Variants in TAFA4 observed in about 807,000 individuals in gnomAD.
The protein encoded by TAFA4 is TAFA chemokine like family member 4.
A neutral mutation model predicts 21.1 loss-of-function variants in TAFA4; 20 were observed. The observed-to-expected ratio is 0.95, with a 90% CI of 0.67 to 1.38. TAFA4 has a LOEUF of 1.38. Among genes scored for constraint, TAFA4 ranks in the 40% most tolerant of loss-of-function variants. The pLI is 0.00. For synonymous variants in TAFA4, 71 were observed against 67.4 expected, an observed-to-expected ratio of 1.05 and a Z score of -0.26; for missense variants, 211 against 180.9, an observed-to-expected ratio of 1.17 and a Z score of -0.95.
intron 5 of TAFA4, among the ~76,000 whole-genome samples, chr3:68,734,371 G>A (rs974113111): frequency 2.0e-5 from 3 of 152,018 alleles, no homozygotes; most frequent in African/African-American, 7.2e-5. Flanking sequence ...AATAATATGG[G>A]CAATGGAGAA....
chr3:68,894,400 T>C (rs1448327391), intron 1 of TAFA4, among the ~76,000 whole-genome samples: 1 of 152,148 alleles, frequency 6.6e-6, no homozygotes, highest in African/African-American at 2.4e-5. Context: ...GCTCAAGCGA[T>C]CCTCCTGCCT....
chr3:68,889,416 A>T (rs2089709197), intron 1 of TAFA4, among the ~76,000 whole-genome samples: 1 of 151,580 alleles, frequency 6.6e-6, no homozygotes, highest in Non-Finnish European at 1.5e-5. Context: ...ATCAAGGAAA[A>T]TAGAGAGGCT....
In TAFA4 at chr3:68,885,398, T is replaced by G. The variant is rs2089660788; in HGVS notation, c.-122-88A>C. ...TAATTTCCAGTAGCAAAATAATGGT[T>G]TTTAACCATGACACCTGCAGTTTCA... On this transcript the variant is annotated intron_variant, in intron 1 of 5. Transcript: ENST00000295569. The G allele has an allele frequency of 5.2e-5, 29 of 562,598 alleles. No individual in the cohort carries two copies. In the East Asian group the frequency reaches 8.5e-4, roughly 16 times the overall value. 34.9% of individuals were successfully genotyped at this position (562,598 alleles called of 1,614,324 possible).
chr3:68,913,269 C>A (rs895587182), intron 1 of TAFA4, among the ~76,000 whole-genome samples: 3 of 147,158 alleles, frequency 2.0e-5, no homozygotes, highest in South Asian at 4.2e-4. Flanking sequence ...ACAGAGGATA[C>A]CTGAAAGAGC....
chr3:68,797,199 C>T (rs560338175), intron 3 of TAFA4, among the ~76,000 whole-genome samples: 13 of 152,130 alleles, frequency 8.5e-5, no homozygotes, highest in South Asian at 6.2e-4. Flanking sequence ...TTTGTACAGC[C>T]GTATTCATAG....
In TAFA4 at chr3:68,783,745, G is replaced by GAAAGAAAGAAAGAAAGAAAGAAAGAAAA. The variant is rs1355228496; in HGVS notation, c.131-30728_131-30727insTTTTCTTTCTTTCTTTCTTTCTTTCTTT. 1.6e-3 allele frequency among the ~76,000 whole-genome samples: 153 copies of GAAAGAAAGAAAGAAAGAAAGAAAGAAAA among 95,978 alleles called. 1 individual carries two copies. Among genetic ancestry groups the GAAAGAAAGAAAGAAAGAAAGAAAGAAAA allele is most frequent in the African/African-American group, 4.7e-3 (151 of 31,940 alleles). The allele number at this position is 95,978 out of a possible 152,430, so 63.0% of individuals were successfully genotyped here. ...AGAAAGAAAGAAAGAAAGAAAGAAA[G>GAAAGAAAGAAAGAAAGAAAGAAAGAAAA]TAAGAAAGAAAGAAACAAAAACAAA... On this transcript the variant is annotated intron_variant, in intron 3 of 5. Transcript: ENST00000295569.
intron 1 of TAFA4, among the ~76,000 whole-genome samples, chr3:68,905,800 T>C (rs1170924588): frequency 6.6e-6 from 1 of 152,186 alleles, no homozygotes; most frequent in Non-Finnish European, 1.5e-5. Context: ...GGGGTAAACG[T>C]ACCATGGAAA....
intron 1 of TAFA4, among the ~76,000 whole-genome samples, chr3:68,898,391 G>T (rs990682293): frequency 6.6e-6 from 1 of 152,234 alleles, no homozygotes; most frequent in African/African-American, 2.4e-5. Flanking sequence ...TGTGGCTCAT[G>T]CCTGTAATCC....
intron 1 of TAFA4, among the ~76,000 whole-genome samples, chr3:68,885,700 T>C (rs2089665409): frequency 6.6e-6 from 1 of 152,166 alleles, no homozygotes; most frequent in South Asian, 2.1e-4. Flanking sequence ...CCCAAGCCCA[T>C]GGAGCAGTGG....
At chr3:68,840,207 T>C (rs865800564) in intron 3 of TAFA4, among the ~76,000 whole-genome samples, 11 of 152,122 alleles carry the variant, frequency 7.2e-5, no homozygotes, top group South Asian at 2.1e-4. Context: ...GGTTGAATGA[T>C]TGAATGACTG....
At chr3:68,775,056 G>A (rs920097236) in intron 3 of TAFA4, among the ~76,000 whole-genome samples, 1 of 152,214 alleles carries the variant, frequency 6.6e-6, no homozygotes, top group Non-Finnish European at 1.5e-5. Context: ...TCCAAAGGAT[G>A]TGAGGATGTT....
chr3:68,892,384 A>G (rs946513147), intron 1 of TAFA4, among the ~76,000 whole-genome samples: 3 of 152,206 alleles, frequency 2.0e-5, no homozygotes, highest in Admixed American at 2.0e-4. Context: ...AGTGTTACCA[A>G]TACCATCTCA....
chr3:68,863,763 T>G (rs59820849), intron 3 of TAFA4, among the ~76,000 whole-genome samples: 89 of 152,274 alleles, frequency 5.8e-4, no homozygotes, highest in Middle Eastern at 6.8e-3. Flanking sequence ...CCCTTTATTT[T>G]AATTCACTAA....
At chr3:68,763,834 T>G (rs541790756) in intron 3 of TAFA4, among the ~76,000 whole-genome samples, 52 of 150,470 alleles carry the variant, frequency 3.5e-4, no homozygotes, top group African/African-American at 1.1e-3. Context: ...ATCTCATCAT[T>G]AGGTAAACCT....
intron 3 of TAFA4, among the ~76,000 whole-genome samples, chr3:68,839,308 G>C (rs780161888): frequency 6.6e-5 from 10 of 152,194 alleles, no homozygotes; most frequent in African/African-American, 9.7e-5. Flanking sequence ...TGAATGAAGT[G>C]AGTAAACGAG....
At chr3:68,912,069 T>C (rs917007437) in intron 1 of TAFA4, among the ~76,000 whole-genome samples, 1 of 152,192 alleles carries the variant, frequency 6.6e-6, no homozygotes, top group Non-Finnish European at 1.5e-5. Context: ...ACTTTCGTTC[T>C]GTTTTTCACC....
At chr3:68,918,989 T>C (rs556738755) in intron 1 of TAFA4, among the ~76,000 whole-genome samples, 1 of 152,144 alleles carries the variant, frequency 6.6e-6, no homozygotes, top group African/African-American at 2.4e-5. Flanking sequence ...CTTCAAAATA[T>C]CCCTCTGTAA....
intron 3 of TAFA4, among the ~76,000 whole-genome samples, chr3:68,808,924 T>A (rs1703767143): frequency 6.6e-6 from 1 of 152,170 alleles, no homozygotes; most frequent in Non-Finnish European, 1.5e-5. Context: ...TTGCTGCTTA[T>A]CATGATAGTA....
intron 1 of TAFA4, among the ~76,000 whole-genome samples, chr3:68,914,552 GTTTA>G (rs142894332): frequency 0.08 from 12,075 of 151,874 alleles, 514 homozygotes; most frequent in Non-Finnish European, 0.086. Flanking sequence ...GAGTTTTAAA[GTTTA>G]TTTAAATTGT....
Sources: gnomAD v4.1 joint callset for allele counts (sites outside exome capture counted in the v4.1 genomes callset) on GRCh38, gnomAD v4.1.1 for gene constraint, MANE v1.5 for transcripts, NCBI Gene and HGNC (gene_info 2026-07-23, HGNC 2026-07-21) for gene names.